Variants in SEMA5A observed in about 807,000 individuals in gnomAD.
The protein encoded by SEMA5A is semaphorin 5A, also known as semaphorin-5A.
A neutral mutation model predicts 135.5 loss-of-function variants in SEMA5A; 55 were observed. That is an observed-to-expected ratio of 0.41 (90% CI 0.33 to 0.51). The LOEUF (loss-of-function observed/expected upper bound fraction) is 0.51, where lower values mean the gene tolerates loss of function less well. SEMA5A is among the 20% of genes least tolerant of loss of function. The pLI, the probability that SEMA5A is intolerant of heterozygous loss-of-function variation, is 0.37. For missense variants in SEMA5A, 1,290 were observed against 1,419.9 expected (o/e 0.91, Z 1.47); for synonymous variants, 580 against 546.5 (o/e 1.06, Z -0.85).
At chr5:9,384,104 C>G (rs1755727444) in intron 2 of SEMA5A, among the ~76,000 whole-genome samples, 1 of 152,156 alleles carries the variant, frequency 6.6e-6, no homozygotes, top group African/African-American at 2.4e-5. Context: ...GTACTGTAAA[C>G]TGTCATTACA....
intron 6 of SEMA5A, among the ~76,000 whole-genome samples, chr5:9,232,236 C>T (rs1747670712): frequency 6.6e-6 from 1 of 152,072 alleles, no homozygotes; most frequent in African/African-American, 2.4e-5. Context: ...ATCTCTTCAG[C>T]AATACCCAGC....
intron 11 of SEMA5A, among the ~76,000 whole-genome samples, chr5:9,167,967 T>C (rs1243618765): frequency 6.6e-6 from 1 of 152,200 alleles, no homozygotes; most frequent in Non-Finnish European, 1.5e-5. Context: ...TCTTTCAATT[T>C]TCCTGGTTAT....
chr5:9,091,914 A>G (rs1739056259), intron 16 of SEMA5A, among the ~76,000 whole-genome samples: 1 of 152,214 alleles, frequency 6.6e-6, no homozygotes, highest in Non-Finnish European at 1.5e-5. Flanking sequence ...AACCCAAATG[A>G]TGGCATGAGA....
chr5:9,383,498 C>T (rs932637216), intron 2 of SEMA5A, among the ~76,000 whole-genome samples: 3 of 152,092 alleles, frequency 2.0e-5, no homozygotes, highest in Non-Finnish European at 2.9e-5. Context: ...AAGCATGGTG[C>T]CAAGCACTCA....
chr5:9,093,399 C>A (rs1403650209), intron 16 of SEMA5A, among the ~76,000 whole-genome samples: 1 of 152,138 alleles, frequency 6.6e-6, no homozygotes, highest in Admixed American at 6.6e-5. Context: ...AATTATGCAA[C>A]TGTGACAGCA....
rs1010731658 is a variant in SEMA5A at position 9,045,021 on chromosome 5, A to T, written c.2894-437T>A. Among the ~76,000 whole-genome samples the T allele has an allele frequency of 2.0e-5, 3 of 152,180 alleles. No individual in the cohort carries two copies. The East Asian group carries it at 5.8e-4, about 30-fold the overall frequency. ...GCTAGTCTCAAACTCCCAACCTCAG[A>T]TGATCTGCCAGCCTCAGCCTCTCAA... On this transcript the variant is annotated intron_variant, in intron 21 of 22. Transcript: ENST00000382496.
At chr5:9,289,445 C>G (rs187692310) in intron 5 of SEMA5A, among the ~76,000 whole-genome samples, 5 of 151,978 alleles carry the variant, frequency 3.3e-5, no homozygotes, top group African/African-American at 7.2e-5. Flanking sequence ...TGAGGCAGAT[C>G]GCGAGGTCAG....
intron 16 of SEMA5A, among the ~76,000 whole-genome samples, chr5:9,097,072 G>A (rs139489289): frequency 3.3e-5 from 5 of 151,996 alleles, no homozygotes; most frequent in African/African-American, 7.3e-5. Flanking sequence ...AAATATACAC[G>A]ATAAAATTTA....
Position 9,109,027 on chromosome 5 carries a change from A to ATTTTTTTTTT in SEMA5A, c.1926-741_1926-740insAAAAAAAAAA, listed in dbSNP as rs1305606521. Among the ~76,000 whole-genome samples the ATTTTTTTTTT allele has an allele frequency of 1.3e-3, 150 of 118,884 alleles. 11 individuals are homozygous for ATTTTTTTTTT. Among genetic ancestry groups the ATTTTTTTTTT allele is most frequent in the East Asian group, 0.011 (40 of 3,796 alleles). The allele number at this position is 118,884 out of a possible 152,430, so 78.0% of individuals were successfully genotyped here. The stretch of plus-strand genomic sequence containing the variant: ...ATCATGAGTCATATTATTTCTCTTC[A>ATTTTTTTTTT]ATTTTTTTTTTTTTTTTTTTTTTTT... On this transcript the variant is annotated intron_variant, in intron 15 of 22. Coordinates refer to ENST00000382496, the MANE Select transcript of SEMA5A (RefSeq NM_003966.3).
rs148236430 is a variant in SEMA5A at position 9,509,902 on chromosome 5, T to C, written c.-175+35682A>G. Among the ~76,000 whole-genome samples the C allele has an allele frequency of 1.7e-4, 26 of 152,176 alleles. No individual in the cohort carries two copies. The East Asian group carries it at 5.0e-3, about 29-fold the overall frequency. On this transcript the variant is annotated intron_variant, in intron 1 of 22. Transcript: ENST00000382496. ...AAGGTGCCTCCAATCATGAACGCTATTGGAGAAGAGAGAAAACAAAAAGTA... is the reference window on the plus strand; with the variant it reads ...AAGGTGCCTCCAATCATGAACGCTACTGGAGAAGAGAGAAAACAAAAAGTA...
At chr5:9,501,982 G>T (rs1735620533) in intron 1 of SEMA5A, among the ~76,000 whole-genome samples, 1 of 152,186 alleles carries the variant, frequency 6.6e-6, no homozygotes, top group African/African-American at 2.4e-5. Context: ...AGATGGAATT[G>T]AGGTATCTAT....
intron 1 of SEMA5A, among the ~76,000 whole-genome samples, chr5:9,504,582 G>T (rs192708074): frequency 1.3e-5 from 2 of 152,212 alleles, no homozygotes; most frequent in Non-Finnish European, 2.9e-5. Context: ...ATGGTGAGGC[G>T]CAAGGGGAAT....
chr5:9,428,124 C>CTATA (rs1201199318), intron 2 of SEMA5A, among the ~76,000 whole-genome samples: 2 of 96,594 alleles, frequency 2.1e-5, no homozygotes, highest in African/African-American at 8.2e-5. Context: ...ATATTCAACT[C>CTATA]TATCTATCTA....
chr5:9,095,705 T>A (rs183453298), intron 16 of SEMA5A, among the ~76,000 whole-genome samples: 1 of 152,298 alleles, frequency 6.6e-6, no homozygotes, highest in Non-Finnish European at 1.5e-5. Flanking sequence ...GATGAAATAA[T>A]TTAAAAATGG....
At chr5:9,440,528 C>G (rs1758195161) in intron 1 of SEMA5A, among the ~76,000 whole-genome samples, 1 of 152,164 alleles carries the variant, frequency 6.6e-6, no homozygotes, top group African/African-American at 2.4e-5. Flanking sequence ...AGAGTTCTGC[C>G]TCTTAAAAAA....
chr5:9,518,516 G>A (rs1736645673), intron 1 of SEMA5A, among the ~76,000 whole-genome samples: 1 of 152,150 alleles, frequency 6.6e-6, no homozygotes, highest in African/African-American at 2.4e-5. Context: ...CCTATTTAAA[G>A]GTTGAAATAA....
intron 2 of SEMA5A, among the ~76,000 whole-genome samples, chr5:9,411,620 C>T (rs1443359076): frequency 6.6e-6 from 1 of 152,044 alleles, no homozygotes; most frequent in Non-Finnish European, 1.5e-5. Flanking sequence ...TCATGAGTTA[C>T]CAATGAGGAA....
intron 11 of SEMA5A, among the ~76,000 whole-genome samples, chr5:9,187,461 A>C (rs990132590): frequency 2.0e-4 from 30 of 152,258 alleles, no homozygotes; most frequent in African/African-American, 7.2e-4. Flanking sequence ...GGGTCACTGC[A>C]TATGGTTTGG....
chr5:9,190,382 T>C lies in SEMA5A; in HGVS notation c.1158A>G (p.Val386=), dbSNP rs749440523. The change falls in exon 11 of 23, where the codon GTA becomes GTG. Residue 386 remains valine (V), a synonymous_variant. Transcript: ENST00000382496. ...AQKFILMHEV[V]QPVTTVPSFM... is the part of the protein sequence containing the mutation. The stretch of plus-strand genomic sequence containing the variant: ...AGGAGGGCACTGTGGTCACTGGCTG[T>C]ACCACCTCATGCATCAGAATGAACT... 6 of 1,614,058 alleles carry C rather than the reference T, an allele frequency of 3.7e-6. No homozygotes were observed. The highest frequency in any genetic ancestry group is 5.1e-6 in the Non-Finnish European group (6 of 1,180,010).
Sources: gnomAD v4.1 joint callset for allele counts (sites outside exome capture counted in the v4.1 genomes callset) on GRCh38, gnomAD v4.1.1 for gene constraint, MANE v1.5 for transcripts, NCBI Gene and HGNC (gene_info 2026-07-23, HGNC 2026-07-21) for gene names.